Variants in DLC1 observed in about 807,000 individuals in gnomAD.
DLC1 encodes the protein DLC1 Rho GTPase activating protein.
In DLC1, 54 loss-of-function variants were observed where a neutral mutation model predicts 140.3. That is an observed-to-expected ratio of 0.38 (90% CI 0.31 to 0.48). The LOEUF is 0.48. DLC1 is among the 20% of genes least tolerant of loss of function. The pLI is 0.96. For synonymous variants in DLC1, 986 were observed against 728.1 expected (o/e 1.35, Z -5.70); for missense variants, 2,536 against 1,907.0 (o/e 1.33, Z -6.14).
intron 3 of DLC1, among the ~76,000 whole-genome samples, chr8:13,400,037 G>C (rs755744359): frequency 1.8e-4 from 28 of 152,136 alleles, no homozygotes; most frequent in Non-Finnish European, 3.2e-4. Context: ...ACAATTATCA[G>C]AAGGAGTGGA....
At chr8:13,350,422 A>G (rs1834593991) in intron 4 of DLC1, among the ~76,000 whole-genome samples, 1 of 152,150 alleles carries the variant, frequency 6.6e-6, no homozygotes. Flanking sequence ...CTAAGTATAA[A>G]GAAAAACACC....
chr8:13,348,459 A>G (rs1457516153), intron 4 of DLC1, among the ~76,000 whole-genome samples: 2 of 152,214 alleles, frequency 1.3e-5, no homozygotes, highest in Non-Finnish European at 2.9e-5. Context: ...TTTTGGATGG[A>G]TGATTTGGGA....
Position 13,155,020 on chromosome 8 carries a change from A to T in DLC1, c.1349-39363T>A, listed in dbSNP as rs958160164. Among the ~76,000 whole-genome samples the T allele has an allele frequency of 2.0e-5, 3 of 152,238 alleles. No homozygotes were observed. In the East Asian group the frequency reaches 5.8e-4, roughly 29 times the overall value. ...GGTAGTATCATTCAAATCATTTTCT[A>T]TGCAATTACTGTCATATCCTAGGCA... On this transcript the variant is annotated intron_variant, in intron 5 of 17. Transcript: ENST00000276297.
chr8:13,394,966 T>A, intron 3 of DLC1, among the ~76,000 whole-genome samples: 1 of 152,148 alleles, frequency 6.6e-6, no homozygotes, highest in Middle Eastern at 3.4e-3. Context: ...ACATATTCTC[T>A]ATTTTCCAAT....
At chr8:13,346,026 T>A (rs1834318249) in intron 4 of DLC1, among the ~76,000 whole-genome samples, 2 of 152,214 alleles carry the variant, frequency 1.3e-5, no homozygotes, top group Non-Finnish European at 2.9e-5. Context: ...TTTGTAAGTT[T>A]TGCACTGTGC....
At chr8:13,152,078 T>C (rs964636206) in intron 5 of DLC1, among the ~76,000 whole-genome samples, 26 of 152,348 alleles carry the variant, frequency 1.7e-4, no homozygotes, top group Non-Finnish European at 3.4e-4. Flanking sequence ...TTCCCCTCCA[T>C]GTTTACTAAA....
chr8:13,253,433 G>A (rs1348743090), intron 5 of DLC1, among the ~76,000 whole-genome samples: 1 of 150,236 alleles, frequency 6.7e-6, no homozygotes, highest in Non-Finnish European at 1.5e-5. Flanking sequence ...TACATATTAT[G>A]TGTGTGTGTG....
intron 4 of DLC1, among the ~76,000 whole-genome samples, chr8:13,385,142 T>C (rs1251627947): frequency 3.3e-5 from 5 of 152,144 alleles, no homozygotes; most frequent in Non-Finnish European, 5.9e-5. Flanking sequence ...TGGTTATTAG[T>C]GCTTGTTTGC....
At chr8:13,586,018 C>T (rs990133981) in intron 1 of DLC1, among the ~76,000 whole-genome samples, 1 of 152,132 alleles carries the variant, frequency 6.6e-6, no homozygotes, top group Non-Finnish European at 1.5e-5. Flanking sequence ...TGAAAATAGA[C>T]ATTCAAGGGA....
At chr8:13,545,602 C>G (rs1451980209) in intron 1 of DLC1, among the ~76,000 whole-genome samples, 1 of 151,926 alleles carries the variant, frequency 6.6e-6, no homozygotes, top group Non-Finnish European at 1.5e-5. Context: ...GTGTAATATA[C>G]TTTGTCAGTT....
chr8:13,473,413 C>T (rs1800300021), intron 2 of DLC1, among the ~76,000 whole-genome samples: 1 of 152,036 alleles, frequency 6.6e-6, no homozygotes, highest in Non-Finnish European at 1.5e-5. Context: ...TCTTGTTTTG[C>T]CTGATGCTAT....
intron 2 of DLC1, among the ~76,000 whole-genome samples, chr8:13,404,959 A>T (rs920187372): frequency 6.6e-6 from 1 of 152,084 alleles, no homozygotes; most frequent in Non-Finnish European, 1.5e-5. Flanking sequence ...GTGAGCCAAG[A>T]TCGTGCCATT....
intron 2 of DLC1, among the ~76,000 whole-genome samples, chr8:13,424,878 A>T (rs74928809): frequency 2.0e-5 from 3 of 152,180 alleles, no homozygotes; most frequent in African/African-American, 4.8e-5. Context: ...ATTTAATAAA[A>T]TGAAGCTACT....
At chr8:13,290,693 A>C (rs1382215883) in intron 5 of DLC1, among the ~76,000 whole-genome samples, 1 of 152,182 alleles carries the variant, frequency 6.6e-6, no homozygotes, top group Non-Finnish European at 1.5e-5. Context: ...ATTGCTGAAT[A>C]GTGGATATCC....
chr8:13,476,906 A>G (rs1199784505), intron 2 of DLC1, among the ~76,000 whole-genome samples: 1 of 152,208 alleles, frequency 6.6e-6, no homozygotes. Flanking sequence ...AGTGCCAAGG[A>G]CATAAGAAGA....
chr8:13,468,331 TCCCCCCATTCCCCTC>T (rs1800039402), intron 2 of DLC1, among the ~76,000 whole-genome samples: 1 of 75,832 alleles, frequency 1.3e-5, no homozygotes, highest in Non-Finnish European at 3.0e-5. Context: ...CTCTTTCCCT[TCCCCCCATTCCCCTC>T]CCCTCCCCTC....
intron 2 of DLC1, among the ~76,000 whole-genome samples, chr8:13,463,698 A>T (rs1799787494): frequency 6.6e-6 from 1 of 152,148 alleles, no homozygotes; most frequent in South Asian, 2.1e-4. Flanking sequence ...ACTCATAGTT[A>T]TTATTTTTGG....
At chr8:13,306,223 C>G (rs1004621500) in intron 4 of DLC1, among the ~76,000 whole-genome samples, 7 of 152,100 alleles carry the variant, frequency 4.6e-5, no homozygotes, top group African/African-American at 1.7e-4. Flanking sequence ...AAGCTCAATC[C>G]CCAGCATTTA....
chr8:13,266,654 A>C (rs953463815), intron 5 of DLC1, among the ~76,000 whole-genome samples: 12 of 152,212 alleles, frequency 7.9e-5, no homozygotes, highest in Non-Finnish European at 1.3e-4. Flanking sequence ...CTGAGGCACA[A>C]GAATCACTTG....
Sources: gnomAD v4.1 joint callset for allele counts (sites outside exome capture counted in the v4.1 genomes callset) on GRCh38, gnomAD v4.1.1 for gene constraint, MANE v1.5 for transcripts, NCBI Gene and HGNC (gene_info 2026-07-23, HGNC 2026-07-21) for gene names.